Variants in DUS1L observed in about 807,000 individuals in gnomAD.
DUS1L encodes the protein tRNA-dihydrouridine(16/17) synthase [NAD(P)(+)]-like.
DUS1L carries 56 observed loss-of-function variants against 61.2 expected under a neutral mutation model. The observed-to-expected ratio is 0.92, with a 90% CI of 0.74 to 1.14. The LOEUF (loss-of-function observed/expected upper bound fraction) is 1.14, where lower values mean the gene tolerates loss of function less well. Among genes scored for constraint, DUS1L ranks in the 50% most tolerant of loss-of-function variants. The probability of loss-of-function intolerance (pLI) is 0.00; values close to 1 mark genes in which losing one functional copy is unlikely to be tolerated. For missense variants in DUS1L, 630 were observed against 632.4 expected, an observed-to-expected ratio of 1.00 and a Z score of 0.04; for synonymous variants, 278 against 259.5, an observed-to-expected ratio of 1.07 and a Z score of -0.69.
chr17:82,062,996 C>T, intron 4 of DUS1L, 23 bp from the exon 5 acceptor site: 1 of 1,592,234 alleles, frequency 6.3e-7, no homozygotes. Flanking sequence ...GAGGCAGCTT[C>T]TGAGGGGGCC....
chr17:82,062,058 C>T (rs2033533162), intron 5 of DUS1L, 75 bp from the exon 6 acceptor site: 1 of 1,323,708 alleles, frequency 7.6e-7, no homozygotes, highest in Non-Finnish European at 1.0e-6. Context: ...CCCTCCACGC[C>T]CCCTCTGCCC....
intron 1 of DUS1L, 195 bp from the exon 2 acceptor site, chr17:82,065,264 G>C (rs2033717114): frequency 1.8e-6 from 1 of 556,614 alleles, no homozygotes; most frequent in Admixed American, 3.5e-5. Flanking sequence ...GGACCTCGGG[G>C]GAGCCGCTGG....
At chr17:82,062,779 G>A in intron 5 of DUS1L, 82 bp downstream of exon 5, 1 of 1,277,696 alleles carries the variant, frequency 7.8e-7, no homozygotes, top group Non-Finnish European at 1.1e-6. Flanking sequence ...CACGGTGTCT[G>A]GACACAGGAA....
rs542386854 is a variant in DUS1L at position 82,061,373 on chromosome 17, G to A, written c.698-20C>T. On this transcript the variant is annotated intron_variant, in intron 7 of 13. Coordinates refer to ENST00000306796, the MANE Select transcript of DUS1L (RefSeq NM_022156.5). ...TGCCCTCTGTGGGAGGAGGAGCGGG[G>A]AAGGACACCTCGTGGGTTGCTCCAG... 6 of 1,557,670 alleles carry A rather than the reference G, an allele frequency of 3.9e-6. No homozygotes were observed. Among genetic ancestry groups the A allele is most frequent in the Non-Finnish European group, 2.6e-6 (3 of 1,148,314 alleles).
intron 12 of DUS1L, 169 bp downstream of exon 12, chr17:82,058,612 A>C: frequency 1.3e-6 from 2 of 1,483,498 alleles, no homozygotes; most frequent in Non-Finnish European, 1.8e-6. Context: ...AGGCCTGGGC[A>C]GGGGCTTGGC....
chr17:82,060,772 G>A lies in DUS1L; in HGVS notation c.951C>T (p.Ser317=). The change falls in exon 10 of 14, where the codon TCC becomes TCT. Residue 317 remains serine (S), a synonymous_variant. Coordinates refer to ENST00000306796, the MANE Select transcript of DUS1L (RefSeq NM_022156.5). ...CGGTGGGCTTCGCTCCCTCCTGCCT[G>A]GATATCTCCTCCTGCAAAAGCCCAA... is the stretch of plus-strand genomic sequence containing the variant. ...ELKLRCQEEI[S]RQEGAKPTGD... The A allele has an allele frequency of 6.2e-7, 1 of 1,612,486 alleles. No homozygotes were observed.
rs756564922 is a variant in DUS1L, at chr17:82,057,978, C to T, written c.*137G>A. Reference sequence around the variant, plus strand: ...CTCCCCACTGCAGCATTTCCAGGCCCCCAGAGTGGGCCGAAGGGGGACATG... The same window carrying T: ...CTCCCCACTGCAGCATTTCCAGGCCTCCAGAGTGGGCCGAAGGGGGACATG... On this transcript the variant is annotated 3_prime_UTR_variant, in exon 14 of 14. Transcript: ENST00000306796. 7.6e-6 allele frequency: 9 copies of T among 1,191,270 alleles called. No individual in the cohort carries two copies. Among genetic ancestry groups the T allele is most frequent in the South Asian group, 5.8e-5 (3 of 52,114 alleles). 73.8% of individuals were successfully genotyped at this position (1,191,270 alleles called of 1,614,324 possible). A position where few individuals can be genotyped will look rare whatever the true frequency, so the allele number is the denominator to read the frequency against.
rs9903578 is a variant in DUS1L at position 82,060,591 on chromosome 17, A to C, written c.1022+110T>G. On this transcript the variant is annotated intron_variant, in intron 10 of 13. Coordinates refer to ENST00000306796, the MANE Select transcript of DUS1L (RefSeq NM_022156.5). ...CCTCCTCCTTTCCCTTGGGCAGGAG[A>C]TGACTGACCATAATGGCTGAGGACA... 2.2e-3 allele frequency: 3,007 copies of C among 1,374,636 alleles called. 48 individuals carry two copies. In the African/African-American group the frequency reaches 0.037, roughly 17 times the overall value. 85.2% of individuals were successfully genotyped at this position (1,374,636 alleles called of 1,614,324 possible).
chr17:82,064,075 G>A (rs767872933), intron 3 of DUS1L, 51 bp downstream of exon 3: 309 of 1,533,834 alleles, frequency 2.0e-4, no homozygotes, highest in Non-Finnish European at 2.6e-4. Flanking sequence ...GCTGCACTGA[G>A]CTGGCTCTGG....
rs1261755352 is a variant in DUS1L at position 82,064,924 on chromosome 17, T to C, written c.136A>G (p.Thr46Ala). 3 of 1,612,514 alleles carry C rather than the reference T, an allele frequency of 1.9e-6. No homozygotes were observed. Among genetic ancestry groups the C allele is most frequent in the South Asian group, 1.1e-5 (1 of 91,078 alleles). The part of the protein sequence containing the change: ...SRRHGAQLCY[T>A]PMLHAQVFVR... ...AAGACCTGGGCATGCAGCATGGGCGTGTAGCAGAGCTGTGCCCCGTGGCGC... is the reference window on the plus strand; with the variant it reads ...AAGACCTGGGCATGCAGCATGGGCGCGTAGCAGAGCTGTGCCCCGTGGCGC... The change falls in exon 2 of 14, where the codon ACG becomes GCG. Residue 46 changes from threonine (T) to alanine (A), a missense_variant. Transcript: ENST00000306796.
Position 82,062,855 on chromosome 17 carries a change from GCTCAC to G in DUS1L, c.510+1_510+5del, listed in dbSNP as rs2033577550. ...CCCATGACACCCCCGCGAGCCCAGGGCTCACCTGGCAGCCGGCCTTCTCCAGCATC... is the reference window on the plus strand; with the variant it reads ...CCCATGACACCCCCGCGAGCCCAGGGCTGGCAGCCGGCCTTCTCCAGCATC... On this transcript the variant is annotated splice_donor_variant and splice_donor_5th_base_variant and intron_variant, in intron 5 of 13. Transcript: ENST00000306796. LOFTEE classifies it high-confidence loss of function. 6.2e-7 allele frequency: 1 copy of G among 1,610,972 alleles called. No individual in the cohort carries two copies. Among genetic ancestry groups the G allele is most frequent in the Non-Finnish European group, 8.5e-7 (1 of 1,178,834 alleles).
chr17:82,060,513 C>T, intron 10 of DUS1L, 188 bp downstream of exon 10: 2 of 697,870 alleles, frequency 2.9e-6, no homozygotes, highest in Non-Finnish European at 4.7e-6. Context: ...CATCCTCCAC[C>T]AAGGACACCG....
Position 82,057,903 on chromosome 17 carries a change from C to T in DUS1L, c.*212G>A. Reference sequence around the variant, plus strand: ...CGCATCTTTGAAATGATTTATTGTTCACTTTTGCACACGCGTGCTGAGGAC... The same window carrying T: ...CGCATCTTTGAAATGATTTATTGTTTACTTTTGCACACGCGTGCTGAGGAC... On this transcript the variant is annotated 3_prime_UTR_variant, in exon 14 of 14. Transcript: ENST00000306796. 2.2e-6 allele frequency: 1 copy of T among 450,372 alleles called. No individual in the cohort carries two copies. The allele number at this position is 450,372 out of a possible 1,614,324, so 27.9% of individuals were successfully genotyped here. A position where few individuals can be genotyped will look rare whatever the true frequency, so the allele number is the denominator to read the frequency against.
Position 82,060,088 on chromosome 17 carries a change from C to G in DUS1L, c.1028G>C (p.Arg343Thr), listed in dbSNP as rs1289183053. Residue 343 changes from arginine (R) to threonine (T), a missense_variant, in exon 11 of 14, where the codon AGG (arginine) becomes ACG (threonine). Arg to Thr is a moderately conservative substitution (Grantham distance 71). Coordinates refer to ENST00000306796, the MANE Select transcript of DUS1L (RefSeq NM_022156.5). Reference sequence around the variant, plus strand: ...ACCTGCCTTCTCCTTGCTCCCCTCCCTGGGCCTGAGGGGAGGGCAGCGGGC... The same window carrying G: ...ACCTGCCTTCTCCTTGCTCCCCTCCGTGGGCCTGAGGGGAGGGCAGCGGGC... ...ICQPYIRPGPREGSKEKAGAR... is the reference protein window; with the variant it reads ...ICQPYIRPGPTEGSKEKAGAR... 4 of 1,612,874 alleles carry G rather than the reference C, an allele frequency of 2.5e-6. No individual in the cohort carries two copies. Among genetic ancestry groups the G allele is most frequent in the Admixed American group, 1.7e-5 (1 of 59,910 alleles).
At chr17:82,061,466 C>T in intron 7 of DUS1L, 113 bp from the exon 8 acceptor site, 1 of 1,467,402 alleles carries the variant, frequency 6.8e-7, no homozygotes, top group Non-Finnish European at 9.2e-7. Context: ...GGGACAAGGC[C>T]AGCTCAGGCC....
chr17:82,064,771 T>C (rs979516213), intron 2 of DUS1L, 52 bp downstream of exon 2: 2 of 1,462,242 alleles, frequency 1.4e-6, no homozygotes, highest in Non-Finnish European at 1.8e-6. Context: ...TCCCCAGGCA[T>C]TCCAGGACCG....
chr17:82,059,921 G>A (rs780040082), intron 11 of DUS1L, 27 bp downstream of exon 11: 47 of 1,613,314 alleles, frequency 2.9e-5, no homozygotes, highest in Admixed American at 2.7e-4. Context: ...AGGCTCTCTC[G>A]GGCCCATCAG....
At chr17:82,059,418 G>A (rs181609887) in intron 11 of DUS1L, 1 of 165,902 alleles carries the variant, frequency 6.0e-6, no homozygotes, top group Admixed American at 5.7e-5. Flanking sequence ...AGAGATCTGG[G>A]AGGCTGCCAC....
Position 82,064,151 on chromosome 17 carries a change from G to C in DUS1L, c.321C>G (p.Gly107=), listed in dbSNP as rs549097599. The C allele has an allele frequency of 6.2e-7, 1 of 1,612,666 alleles. No individual in the cohort carries two copies. Among genetic ancestry groups the C allele is most frequent in the African/African-American group, 1.3e-5 (1 of 75,056 alleles). The change falls in exon 3 of 14, where the codon GGC becomes GGG. Residue 107 remains glycine, a synonymous_variant. Transcript: ENST00000306796. ...DYCDAIDLNL[G]CPQMIAKRGH... ...CTCTCTTGGCTATCATCTGTGGGCAGCCCAAGTTCAGGTCAATGGCGTCAC... is the reference window on the plus strand; with the variant it reads ...CTCTCTTGGCTATCATCTGTGGGCACCCCAAGTTCAGGTCAATGGCGTCAC...
Sources: gnomAD v4.1 joint callset for allele counts on GRCh38, gnomAD v4.1.1 for gene constraint, MANE v1.5 for transcripts, NCBI Gene and HGNC (gene_info 2026-07-23, HGNC 2026-07-21) for gene names.